The following LMBR1 variants were observed in gnomAD, a reference collection of about 807,000 sequenced individuals.
The protein encoded by LMBR1 is limb development membrane protein 1.
LMBR1 carries 52 observed loss-of-function variants against 73.9 expected under a neutral mutation model. The ratio of observed to expected loss-of-function variants is 0.70; its 90% confidence interval spans 0.56 to 0.89. The LOEUF (loss-of-function observed/expected upper bound fraction) is 0.89, where lower values mean the gene tolerates loss of function less well. Ranked by LOEUF, LMBR1 falls within the 40% of genes least tolerant of loss-of-function variation. The pLI, the probability that LMBR1 is intolerant of heterozygous loss-of-function variation, is 0.00. For synonymous variants in LMBR1, 215 were observed against 209.4 expected (o/e 1.03, Z -0.23); for missense variants, 539 against 579.8 (o/e 0.93, Z 0.72).
intron 15 of LMBR1, among the ~76,000 whole-genome samples, chr7:156,693,150 C>T (rs988580485): frequency 2.0e-5 from 3 of 151,470 alleles, no homozygotes; most frequent in Non-Finnish European, 2.9e-5. Context: ...GATTAGAGTC[C>T]CTGAAGGAGA....
chr7:156,701,068 G>A (rs1365040204), intron 15 of LMBR1, among the ~76,000 whole-genome samples: 2 of 152,094 alleles, frequency 1.3e-5, no homozygotes, highest in Non-Finnish European at 1.5e-5. Context: ...GGAAAGGCCT[G>A]CCCCCATGAT....
intron 1 of LMBR1, among the ~76,000 whole-genome samples, chr7:156,855,282 C>T (rs1796784617): frequency 6.6e-6 from 1 of 152,014 alleles, no homozygotes; most frequent in Non-Finnish European, 1.5e-5. Flanking sequence ...CTTTAATGAG[C>T]TCATCAGTAG....
chr7:156,823,091 A>G (rs1835067171), intron 4 of LMBR1: 1 of 152,074 alleles, frequency 6.6e-6, no homozygotes. Flanking sequence ...CAGCCTGGGC[A>G]ACAGAGCAAC....
intron 3 of LMBR1, among the ~76,000 whole-genome samples, chr7:156,830,747 T>C (rs985564173): frequency 1.3e-5 from 2 of 152,250 alleles, no homozygotes; most frequent in Admixed American, 1.3e-4. Context: ...GCGGTAACAC[T>C]GTCAGGATCA....
intron 9 of LMBR1, among the ~76,000 whole-genome samples, chr7:156,755,163 G>A (rs1264979468): frequency 6.6e-6 from 1 of 152,172 alleles, no homozygotes; most frequent in Non-Finnish European, 1.5e-5. Context: ...TGTTTTTACT[G>A]ATTTTGGCTT....
At chr7:156,748,369 A>G (rs939027288) in intron 9 of LMBR1, among the ~76,000 whole-genome samples, 1 of 152,204 alleles carries the variant, frequency 6.6e-6, no homozygotes, top group Admixed American at 6.5e-5. Context: ...TAAGATGTTA[A>G]GATAATTTTT....
At chr7:156,773,802 C>T (rs951548520) in intron 5 of LMBR1, among the ~76,000 whole-genome samples, 1 of 152,102 alleles carries the variant, frequency 6.6e-6, no homozygotes, top group African/African-American at 2.4e-5. Flanking sequence ...GCAAAGATTT[C>T]AGGATGAAGA....
intron 4 of LMBR1, among the ~76,000 whole-genome samples, chr7:156,808,670 A>AT (rs900691403): frequency 1.3e-5 from 2 of 152,076 alleles, no homozygotes; most frequent in African/African-American, 4.8e-5. Context: ...GTTCCCACAG[A>AT]TTAAGTATTT....
chr7:156,885,822 G>A (rs187815097), intron 1 of LMBR1, among the ~76,000 whole-genome samples: 175 of 152,202 alleles, frequency 1.1e-3, no homozygotes, highest in Non-Finnish European at 1.9e-3. Context: ...AGGTTATCGT[G>A]AGCCGAGATT....
At chr7:156,684,963 T>A (rs964448414) in intron 16 of LMBR1, among the ~76,000 whole-genome samples, 11 of 151,910 alleles carry the variant, frequency 7.2e-5, no homozygotes, top group Non-Finnish European at 1.3e-4. Flanking sequence ...CTCAAAAAAA[T>A]TTTAAATAAA....
intron 5 of LMBR1, among the ~76,000 whole-genome samples, chr7:156,781,286 T>G (rs1270612231): frequency 1.3e-5 from 2 of 152,116 alleles, no homozygotes; most frequent in African/African-American, 4.8e-5. Flanking sequence ...CAAAAAGCAC[T>G]AGAAATTCCA....
intron 8 of LMBR1, among the ~76,000 whole-genome samples, chr7:156,759,926 G>A (rs1237349735): frequency 6.6e-6 from 1 of 152,152 alleles, no homozygotes; most frequent in Non-Finnish European, 1.5e-5. Context: ...TATTTTAAAG[G>A]GAGCAGGCAT....
intron 1 of LMBR1, 105 bp downstream of exon 1, chr7:156,892,823 G>T: frequency 1.9e-6 from 1 of 514,654 alleles, no homozygotes; most frequent in Non-Finnish European, 2.6e-6. Context: ...GAGGCGCGAG[G>T]CGAGGCCCGG....
Position 156,881,863 on chromosome 7 carries a change from C to G in LMBR1, c.66+11065G>C, listed in dbSNP as rs555286905. 2.6e-5 allele frequency among the ~76,000 whole-genome samples: 4 copies of G among 151,760 alleles called. No homozygotes were observed. In the South Asian group the frequency reaches 8.3e-4, roughly 32 times the overall value. ...GACAAGGCTGAAGAGAAATCGGAACCCTTGCACACTTGGTGAGAATGCAAA... is the reference window on the plus strand; with the variant it reads ...GACAAGGCTGAAGAGAAATCGGAACGCTTGCACACTTGGTGAGAATGCAAA... On this transcript the variant is annotated intron_variant, in intron 1 of 16. Coordinates refer to ENST00000353442, the MANE Select transcript of LMBR1 (RefSeq NM_022458.4).
At chr7:156,881,923 T>C (rs950425760) in intron 1 of LMBR1, among the ~76,000 whole-genome samples, 1 of 152,132 alleles carries the variant, frequency 6.6e-6, no homozygotes, top group Admixed American at 6.5e-5. Context: ...TGTGGGTTCC[T>C]GAAAAAATTA....
intron 1 of LMBR1, among the ~76,000 whole-genome samples, chr7:156,876,449 C>T (rs913525009): frequency 1.3e-5 from 2 of 152,126 alleles, no homozygotes; most frequent in African/African-American, 4.8e-5. Context: ...TGGATTTAAA[C>T]TATACCCTGG....
At chr7:156,855,734 A>T (rs1397115965) in intron 1 of LMBR1, among the ~76,000 whole-genome samples, 1 of 151,872 alleles carries the variant, frequency 6.6e-6, no homozygotes, top group African/African-American at 2.4e-5. Context: ...AAAATCAAAG[A>T]TAAAGAGAAT....
At chr7:156,861,772 A>T (rs1797754566) in intron 1 of LMBR1, among the ~76,000 whole-genome samples, 1 of 152,122 alleles carries the variant, frequency 6.6e-6, no homozygotes, top group African/African-American at 2.4e-5. Context: ...GGTGGGGCAA[A>T]ATGTCACCAA....
intron 4 of LMBR1, among the ~76,000 whole-genome samples, chr7:156,804,337 A>G (rs1435369572): frequency 6.6e-6 from 1 of 151,758 alleles, no homozygotes; most frequent in Non-Finnish European, 1.5e-5. Flanking sequence ...GCTATTAAAA[A>G]TAAAATAGTC....
Sources: allele counts gnomAD v4.1 joint callset (sites outside exome capture counted in the v4.1 genomes callset), GRCh38; gene constraint gnomAD v4.1.1; transcripts MANE v1.5; gene names NCBI Gene and HGNC (gene_info 2026-07-23, HGNC 2026-07-21).